The following TMA16 variants were observed in gnomAD, a reference collection of about 807,000 sequenced individuals.
TMA16 encodes translation machinery associated 16 homolog, also known as translation machinery-associated protein 16.
A neutral mutation model predicts 27.1 loss-of-function variants in TMA16; 26 were observed. The observed-to-expected ratio is 0.96, with a 90% confidence interval of 0.70 to 1.33. The LOEUF is 1.33. TMA16 is among the 40% of genes most tolerant of loss of function. The pLI, the probability that TMA16 is intolerant of heterozygous loss-of-function variation, is 0.00. For synonymous variants in TMA16, 71 were observed against 81.9 expected (o/e 0.87, Z 0.72); for missense variants, 233 against 241.4 (o/e 0.97, Z 0.23).
intron 1 of TMA16, among the ~76,000 whole-genome samples, chr4:163,505,336 A>G (rs963900054): frequency 6.6e-6 from 1 of 152,184 alleles, no homozygotes; most frequent in Non-Finnish European, 1.5e-5. Context: ...ATATTTTCCT[A>G]TACCTGTAAC....
intron 4 of TMA16, 65 bp from the exon 5 acceptor site, chr4:163,515,248 A>G (rs1737856310): frequency 1.3e-5 from 19 of 1,461,096 alleles, no homozygotes; most frequent in Middle Eastern, 2.5e-4. Flanking sequence ...TAAGTTTTCC[A>G]TTAAGTAATG....
intron 1 of TMA16, among the ~76,000 whole-genome samples, chr4:163,499,459 A>G (rs1187460685): frequency 1.3e-5 from 2 of 152,242 alleles, no homozygotes; most frequent in South Asian, 2.1e-4. Flanking sequence ...AATGTGTTCT[A>G]TGAGGAACTT....
At chr4:163,512,947 A>G in intron 3 of TMA16, 88 bp downstream of exon 3, 1 of 971,960 alleles carries the variant, frequency 1.0e-6, no homozygotes. Context: ...TTTTAGTGAA[A>G]TACTGTTTTT....
At chr4:163,506,302 A>G (rs916822590) in intron 1 of TMA16, among the ~76,000 whole-genome samples, 3 of 152,168 alleles carry the variant, frequency 2.0e-5, no homozygotes, top group Admixed American at 6.5e-5. Flanking sequence ...ACTTTTAACA[A>G]TAAAGAACCA....
intron 2 of TMA16, among the ~76,000 whole-genome samples, chr4:163,510,201 T>A (rs1379249279): frequency 6.6e-6 from 1 of 152,226 alleles, no homozygotes; most frequent in Non-Finnish European, 1.5e-5. Flanking sequence ...CAACTTTTTA[T>A]GAAGTGTTCT....
Position 163,507,032 on chromosome 4 carries a change from G to T in TMA16, c.4-1G>T, listed in dbSNP as rs1157603615. 6.3e-7 allele frequency: 1 copy of T among 1,580,270 alleles called. No individual in the cohort carries two copies. Among genetic ancestry groups the T allele is most frequent in the Non-Finnish European group, 8.6e-7 (1 of 1,162,636 alleles). On this transcript the variant is annotated splice_acceptor_variant, in intron 1 of 6. Transcript: ENST00000358572. LOFTEE classifies it high-confidence loss of function. ...GTGTCATGTGTTTTCATACATTTTA[G>T]CCCAAAGCACCAAAGGGAAAAAGTG... is the stretch of plus-strand genomic sequence containing the variant.
intron 6 of TMA16, among the ~76,000 whole-genome samples, chr4:163,519,000 CA>C (rs1737926332): frequency 6.6e-6 from 1 of 151,980 alleles, no homozygotes; most frequent in Non-Finnish European, 1.5e-5. Flanking sequence ...ATAAGAATAA[CA>C]GTTGATTACT....
rs544371708 is a variant in TMA16 at position 163,515,439 on chromosome 4, G to A, written c.366G>A (p.Gln122=). The A allele has an allele frequency of 8.7e-5, 141 of 1,613,976 alleles. 2 individuals are homozygous for A. In the South Asian group the frequency reaches 1.5e-3, roughly 17 times the overall value. Residue 122 remains glutamine (Q), a synonymous_variant, in exon 5 of 7, where the codon CAG becomes CAA. Transcript: ENST00000358572. ...VIKQTMERER[Q]QFEGYGLEIP... ...AGCAGACGATGGAGCGGGAGCGACAGCAGTTTGAGGGATATGGCCTTGGTG... is the reference window on the plus strand; with the variant it reads ...AGCAGACGATGGAGCGGGAGCGACAACAGTTTGAGGGATATGGCCTTGGTG...
intron 2 of TMA16, among the ~76,000 whole-genome samples, chr4:163,511,483 T>G: frequency 6.6e-6 from 1 of 152,030 alleles, no homozygotes; most frequent in East Asian, 1.9e-4. Context: ...GTTATGAATA[T>G]TTTCTCCTAA....
intron 3 of TMA16, among the ~76,000 whole-genome samples, chr4:163,513,830 G>A (rs1737833396): frequency 6.6e-6 from 1 of 151,998 alleles, no homozygotes; most frequent in Admixed American, 6.6e-5. Flanking sequence ...CATCCATATT[G>A]GATAAGAAAT....
chr4:163,500,972 A>C (rs775822095), intron 1 of TMA16, among the ~76,000 whole-genome samples: 2 of 152,240 alleles, frequency 1.3e-5, no homozygotes, highest in Non-Finnish European at 2.9e-5. Context: ...TGACCTGGCA[A>C]AAGTTTTTCA....
intron 1 of TMA16, among the ~76,000 whole-genome samples, chr4:163,496,104 T>C (rs566137818): frequency 6.6e-6 from 1 of 152,220 alleles, no homozygotes; most frequent in Non-Finnish European, 1.5e-5. Flanking sequence ...CATATGAACC[T>C]GTTTTCATTG....
intron 6 of TMA16, among the ~76,000 whole-genome samples, chr4:163,518,282 TCCTAGAAGAAAA>T (rs1310207545): frequency 6.6e-6 from 1 of 152,192 alleles, no homozygotes. Context: ...TCTGTAAAAA[TCCTAGAAGAAAA>T]CCTAGTAAAT....
chr4:163,500,182 G>A (rs145112401), intron 1 of TMA16, among the ~76,000 whole-genome samples: 17 of 149,780 alleles, frequency 1.1e-4, no homozygotes, highest in South Asian at 6.4e-4. Flanking sequence ...CTTAAGAAAC[G>A]TATAGTTTAT....
chr4:163,498,584 G>T (rs1014071964), intron 1 of TMA16, among the ~76,000 whole-genome samples: 3 of 152,124 alleles, frequency 2.0e-5, no homozygotes, highest in Admixed American at 2.0e-4. Context: ...ACTGTGCCCG[G>T]CTGGTTAAAA....
Position 163,519,956 on chromosome 4 carries a change from A to T in TMA16, c.*442A>T. 1 of 595,720 alleles carries T rather than the reference A, an allele frequency of 1.7e-6. No homozygotes were observed. Among genetic ancestry groups the T allele is most frequent in the Non-Finnish European group, 3.0e-6 (1 of 328,564 alleles). 36.9% of individuals were successfully genotyped at this position (595,720 alleles called of 1,614,324 possible). Reference sequence around the variant, plus strand: ...TATCACACTAATGCTTCTTTTAAACATTAAACCTATTTTCCTTTTTTACAG... The same window carrying T: ...TATCACACTAATGCTTCTTTTAAACTTTAAACCTATTTTCCTTTTTTACAG... On this transcript the variant is annotated 3_prime_UTR_variant, in exon 7 of 7. Coordinates refer to ENST00000358572, the MANE Select transcript of TMA16 (RefSeq NM_018352.3).
At chr4:163,500,578 T>C (rs1037627290) in intron 1 of TMA16, among the ~76,000 whole-genome samples, 1 of 152,160 alleles carries the variant, frequency 6.6e-6, no homozygotes, top group Non-Finnish European at 1.5e-5. Context: ...TGGTGGTTGG[T>C]GGATTGACTC....
chr4:163,513,803 A>T (rs1737833163), intron 3 of TMA16, among the ~76,000 whole-genome samples: 1 of 152,200 alleles, frequency 6.6e-6, no homozygotes, highest in Admixed American at 6.5e-5. Flanking sequence ...CGACTAAATA[A>T]TCATTTTCCT....
At chr4:163,517,133 A>C (rs941949511) in intron 5 of TMA16, 6 of 310,634 alleles carry the variant, frequency 1.9e-5, no homozygotes, top group Non-Finnish European at 3.0e-5. Flanking sequence ...TGATCTCCTG[A>C]CCTCCTGATC....
Sources: gnomAD v4.1 joint callset for allele counts (sites outside exome capture counted in the v4.1 genomes callset) on GRCh38, gnomAD v4.1.1 for gene constraint, MANE v1.5 for transcripts, NCBI Gene and HGNC (gene_info 2026-07-23, HGNC 2026-07-21) for gene names.